The following CCNK variants were observed in gnomAD, a reference collection of about 807,000 sequenced individuals.
The protein encoded by CCNK is cyclin K, also known as cyclin-K.
A neutral mutation model predicts 65.0 loss-of-function variants in CCNK; 9 were observed. The ratio of observed to expected loss-of-function variants is 0.14; its 90% CI spans 0.08 to 0.24. The LOEUF (loss-of-function observed/expected upper bound fraction) is 0.24, where lower values mean the gene tolerates loss of function less well. Ranked by LOEUF, CCNK falls within the 10% of genes least tolerant of loss-of-function variation. The pLI is 1.00. For synonymous variants in CCNK, 279 were observed against 270.8 expected (o/e 1.03, Z -0.30); for missense variants, 474 against 720.0 (o/e 0.66, Z 3.91).
At chr14:99,501,235 C>G in intron 5 of CCNK, 121 bp from the exon 6 acceptor site, 1 of 698,568 alleles carries the variant, frequency 1.4e-6, no homozygotes, top group Non-Finnish European at 2.6e-6. Flanking sequence ...GTTTCCCACG[C>G]AAAAGCTCTT....
intron 4 of CCNK, 30 bp downstream of exon 4, chr14:99,495,659 G>C: frequency 1.3e-6 from 2 of 1,585,574 alleles, no homozygotes; most frequent in Non-Finnish European, 1.7e-6. Context: ...CCTGCCTTCT[G>C]GTCTTGATTC....
intron 9 of CCNK, chr14:99,503,867 A>G: frequency 5.4e-6 from 3 of 552,976 alleles, no homozygotes; most frequent in Non-Finnish European, 9.6e-6. Flanking sequence ...ATTACTGGCA[A>G]TAAAAATGTA....
intron 8 of CCNK, 35 bp from the exon 9 acceptor site, chr14:99,503,576 C>G (rs1412680617): frequency 6.5e-7 from 1 of 1,537,834 alleles, no homozygotes; most frequent in African/African-American, 1.4e-5. Context: ...TACTCAGGAT[C>G]CCAGTTAACA....
At position 99,510,146 on chromosome 14, in the gene CCNK, C is replaced by A; in HGVS notation, c.1118-11C>A. ...GCGGAGGCCGGGCACTGATGCGTCT[C>A]TCTCCTGCAGACCGGAAGCCTCCCC... On this transcript the variant is annotated splice_polypyrimidine_tract_variant and intron_variant, in intron 10 of 10. Coordinates refer to ENST00000389879, the MANE Select transcript of CCNK (RefSeq NM_001099402.2). 6.3e-7 allele frequency: 1 copy of A among 1,591,582 alleles called. No individual in the cohort carries two copies. The highest frequency in any genetic ancestry group is 8.5e-7 in the Non-Finnish European group (1 of 1,173,072).
chr14:99,494,962 ACTT>A (rs920066332), intron 3 of CCNK: 1 of 152,316 alleles, frequency 6.6e-6, no homozygotes, highest in African/African-American at 2.4e-5. Context: ...CAAAGGCCTC[ACTT>A]CTTCATACCG....
At chr14:99,489,126 C>CAT (rs1015577110) in intron 1 of CCNK, among the ~76,000 whole-genome samples, 93 of 151,786 alleles carry the variant, frequency 6.1e-4, no homozygotes, top group South Asian at 1.0e-3. Flanking sequence ...AAATGGGATA[C>CAT]ATATATATAT....
At position 99,492,790 on chromosome 14, in the gene CCNK, T is replaced by A; in HGVS notation, c.113T>A (p.Leu38His). 6.2e-7 allele frequency: 1 copy of A among 1,613,434 alleles called. No homozygotes were observed. The highest frequency in any genetic ancestry group is 1.1e-5 in the South Asian group (1 of 90,978). Residue 38 changes from leucine (L) to histidine (H), a missense_variant, in exon 2 of 11, where the codon CTT (leucine) becomes CAT (histidine). Coordinates refer to ENST00000389879, the MANE Select transcript of CCNK (RefSeq NM_001099402.2). ...GACTTGGCTCATACACCCTCACAAC[T>A]TGAAGGACTTGATCCAGCCACCGAG... ...KKDLAHTPSQ[L>H]EGLDPATEAR...
intron 9 of CCNK, chr14:99,503,845 A>G (rs769164796): frequency 1.3e-4 from 75 of 571,798 alleles, no homozygotes; most frequent in Non-Finnish European, 1.8e-4. Flanking sequence ...CGAAGCTATC[A>G]GTACAGAAAA....
chr14:99,504,531 A>G (rs1226558005), intron 9 of CCNK: 1 of 150,188 alleles, frequency 6.7e-6, no homozygotes, highest in Non-Finnish European at 1.5e-5. Flanking sequence ...ACTCACCACA[A>G]CCTCCGCCTC....
rs145203611 is a variant in CCNK, at chr14:99,503,090, G to C, written c.1011+106G>C. On this transcript the variant is annotated intron_variant, in intron 8 of 10. Coordinates refer to ENST00000389879, the MANE Select transcript of CCNK (RefSeq NM_001099402.2). ...CGAGCACAGGGAACACCGGAAGCAG[G>C]GGGTGTTCGCCGAAACTCGCAGTCC... 3,069 of 1,315,614 alleles carry C rather than the reference G, an allele frequency of 2.3e-3. 9 individuals are homozygous for C. The highest frequency in any genetic ancestry group is 2.9e-3 in the Non-Finnish European group (2,670 of 912,602). 81.5% of individuals were successfully genotyped at this position (1,315,614 alleles called of 1,614,324 possible).
chr14:99,493,417 G>T, intron 2 of CCNK, 97 bp from the exon 3 acceptor site: 1 of 690,250 alleles, frequency 1.4e-6, no homozygotes, highest in South Asian at 2.2e-5. Flanking sequence ...CTTTACCATT[G>T]ATTTTGTTGT....
At position 99,502,290 on chromosome 14, in the gene CCNK, T is replaced by C. The variant is rs1251614558; in HGVS notation, c.659T>C (p.Phe220Ser). ...VMYLAGRLCK[F>S]EIQEWTSKPM... is the part of the protein sequence containing the mutation. ...TATCTCGCAGGACGTTTGTGCAAAT[T>C]TGAAATACAAGAATGGACCTCCAAA... is the stretch of plus-strand genomic sequence containing the variant. Residue 220 changes from phenylalanine to serine, a missense_variant, in exon 7 of 11, where the codon TTT becomes TCT. Physicochemically the swap from Phe to Ser is radical, Grantham distance 155 (BLOSUM62 -2). Coordinates refer to ENST00000389879, the MANE Select transcript of CCNK (RefSeq NM_001099402.2). The C allele has an allele frequency of 1.9e-6, 3 of 1,612,442 alleles. No homozygotes were observed. The Admixed American group carries it at 5.0e-5, about 27-fold the overall frequency.
At position 99,481,415 on chromosome 14, in the gene CCNK, C is replaced by G. The variant is rs770366309; in HGVS notation, c.-117C>G. 2.8e-4 allele frequency: 111 copies of G among 398,642 alleles called. 1 individual carries two copies. Among genetic ancestry groups the G allele is most frequent in the Admixed American group, 1.4e-3 (32 of 22,726 alleles). 24.7% of individuals were successfully genotyped at this position (398,642 alleles called of 1,614,324 possible). On this transcript the variant is annotated 5_prime_UTR_variant, in exon 1 of 11. Coordinates refer to ENST00000389879, the MANE Select transcript of CCNK (RefSeq NM_001099402.2). ...CGTGATGACGTAGGTCCCCGACATT[C>G]CATATACAAGATGGCCGCAGTCGGC...
chr14:99,511,169 T>TC lies in CCNK; in HGVS notation c.*389dup, dbSNP rs1897121711. 6.3e-6 allele frequency: 1 copy of TC among 158,780 alleles called. No individual in the cohort carries two copies. Among genetic ancestry groups the TC allele is most frequent in the Non-Finnish European group, 1.4e-5 (1 of 72,548 alleles). The allele number at this position is 158,780 out of a possible 1,614,324, so 9.8% of individuals were successfully genotyped here. A position where few individuals can be genotyped will look rare whatever the true frequency, so the allele number is the denominator to read the frequency against. ...TTCCTGGAAACTCAATTTTAAATAGTCCAATTCCATCTGAAGCCAAGCTGT... is the reference window on the plus strand; with the variant it reads ...TTCCTGGAAACTCAATTTTAAATAGTCCCAATTCCATCTGAAGCCAAGCTGT... On this transcript the variant is annotated 3_prime_UTR_variant, in exon 11 of 11. Coordinates refer to ENST00000389879, the MANE Select transcript of CCNK (RefSeq NM_001099402.2).
chr14:99,510,500 G>A lies in CCNK; in HGVS notation c.1461G>A (p.Val487=), dbSNP rs1201699958. The change falls in exon 11 of 11, where the codon GTG becomes GTA. Residue 487 remains valine (V), a synonymous_variant. Coordinates refer to ENST00000389879, the MANE Select transcript of CCNK (RefSeq NM_001099402.2). ...VYPPNPPPPP[V]PPPPASFPPP... is the part of the protein sequence containing the mutation. The stretch of plus-strand genomic sequence containing the variant: ...CGCCCAACCCGCCCCCGCCACCTGT[G>A]CCTCCTCCCCCAGCCTCCTTCCCCC... The A allele has an allele frequency of 1.6e-6, 1 of 625,564 alleles. No homozygotes were observed. Among genetic ancestry groups the A allele is most frequent in the Non-Finnish European group, 2.2e-6 (1 of 445,666 alleles). 38.8% of individuals were successfully genotyped at this position (625,564 alleles called of 1,614,324 possible).
At chr14:99,495,462 G>A (rs749821472) in intron 3 of CCNK, 36 bp from the exon 4 acceptor site, 12 of 1,586,902 alleles carry the variant, frequency 7.6e-6, no homozygotes, top group Non-Finnish European at 8.5e-6. Flanking sequence ...TGTGACCTTT[G>A]ATAACAAAAA....
At chr14:99,491,405 T>C (rs1013964418) in intron 1 of CCNK, among the ~76,000 whole-genome samples, 1 of 152,184 alleles carries the variant, frequency 6.6e-6, no homozygotes, top group African/African-American at 2.4e-5. Flanking sequence ...GAGCAAATTG[T>C]CAAACTTTGG....
intron 3 of CCNK, chr14:99,494,633 G>A (rs1005099141): frequency 6.6e-6 from 1 of 152,320 alleles, no homozygotes. Flanking sequence ...GCAAAGAGAA[G>A]CTGAAGACAG....
intron 4 of CCNK, among the ~76,000 whole-genome samples, chr14:99,496,915 GAAA>G (rs144282507): frequency 8.9e-6 from 1 of 112,066 alleles, no homozygotes. Flanking sequence ...TCCACCTCAA[GAAA>G]AAAAAAAAAT....
Sources: gnomAD v4.1 joint callset for allele counts (sites outside exome capture counted in the v4.1 genomes callset) on GRCh38, gnomAD v4.1.1 for gene constraint, MANE v1.5 for transcripts, NCBI Gene and HGNC (gene_info 2026-07-23, HGNC 2026-07-21) for gene names.